Variants in MYLK observed in about 807,000 individuals in gnomAD.
The protein encoded by MYLK is myosin light chain kinase.
In MYLK, 106 loss-of-function variants were observed where a neutral mutation model predicts 203.4. The ratio of observed to expected loss-of-function variants is 0.52; its 90% CI spans 0.45 to 0.61. The LOEUF (loss-of-function observed/expected upper bound fraction) is 0.61. MYLK is among the 20% of genes least tolerant of loss of function. The pLI is 0.00. For synonymous variants in MYLK, 867 were observed against 959.5 expected (o/e 0.90, Z 1.78); for missense variants, 2,072 against 2,442.3 (o/e 0.85, Z 3.20).
rs369105428 is a variant in MYLK, at chr3:123,733,031, T to C, written c.1381A>G (p.Ile461Val). 3.1e-6 allele frequency: 5 copies of C among 1,614,164 alleles called. No individual in the cohort carries two copies. The highest frequency in any genetic ancestry group is 4.5e-5 in the East Asian group (2 of 44,876). ...GAGCCAGCATCTTCATAAACCTCAATGCTGCCTTCCTGTCTCCTCACGGGG... is the reference window on the plus strand; with the variant it reads ...GAGCCAGCATCTTCATAAACCTCAACGCTGCCTTCCTGTCTCCTCACGGGG... ...GTPVRRQEGSIEVYEDAGSHY... is the reference protein window; with the variant it reads ...GTPVRRQEGSVEVYEDAGSHY... The change falls in exon 11 of 34, where the codon ATT becomes GTT. Residue 461 changes from isoleucine to valine, a missense_variant. This residue lies in a region of MYLK where 683 missense variants were observed against 643.8 expected (regional missense o/e 1.06). Transcript: ENST00000360304.
In MYLK at chr3:123,852,978, C is replaced by A. The variant is rs560653941; in HGVS notation, c.-126-21308G>T. Among the ~76,000 whole-genome samples the A allele has an allele frequency of 6.6e-5, 10 of 152,130 alleles. No individual in the cohort carries two copies. The East Asian group carries it at 1.9e-3, about 29-fold the overall frequency. On this transcript the variant is annotated intron_variant, in intron 2 of 33. Coordinates refer to ENST00000360304, the MANE Select transcript of MYLK (RefSeq NM_053025.4). ...AGAGTAAAAGGAGGCCTTAAAAGAG[C>A]AAATTAAGAGTTGGGTTGTATGACC...
chr3:123,691,860 T>A (rs1403615436), intron 19 of MYLK: 1 of 152,244 alleles, frequency 6.6e-6, no homozygotes, highest in African/African-American at 2.4e-5. Flanking sequence ...AAAGAAATGA[T>A]CCTGGGTTGT....
At chr3:123,625,472 A>G (rs970506590) in intron 31 of MYLK, among the ~76,000 whole-genome samples, 2 of 134,298 alleles carry the variant, frequency 1.5e-5, no homozygotes, top group Admixed American at 7.7e-5. Flanking sequence ...TGTCTCGAGG[A>G]AAAAAAAAAA....
chr3:123,712,691 T>C (rs2061743061), intron 13 of MYLK, among the ~76,000 whole-genome samples: 1 of 152,256 alleles, frequency 6.6e-6, no homozygotes, highest in Non-Finnish European at 1.5e-5. Flanking sequence ...TGGTTCCACC[T>C]GCAGCTGTGG....
intron 2 of MYLK, among the ~76,000 whole-genome samples, chr3:123,874,665 G>A (rs1577164846): frequency 6.6e-6 from 1 of 152,118 alleles, no homozygotes; most frequent in Non-Finnish European, 1.5e-5. Context: ...CTTCTGTCAT[G>A]CAGTAACAGG....
At chr3:123,638,824 C>T (rs2108096184) in intron 28 of MYLK, 1 of 985,474 alleles carries the variant, frequency 1.0e-6, no homozygotes, top group Non-Finnish European at 1.2e-6. Context: ...GCTTCAACCC[C>T]AGGGTGGTAC....
intron 31 of MYLK, among the ~76,000 whole-genome samples, chr3:123,625,906 T>A (rs1360388703): frequency 6.6e-6 from 1 of 152,118 alleles, no homozygotes. Flanking sequence ...TGGTTTTGGA[T>A]AATAATTTTA....
At position 123,865,105 on chromosome 3, in the gene MYLK, G is replaced by A. The variant is rs143035144; in HGVS notation, c.-127+11454C>T. Among the ~76,000 whole-genome samples the A allele has an allele frequency of 5.9e-5, 9 of 152,192 alleles. No homozygotes were observed. In the East Asian group the frequency reaches 1.7e-3, roughly 29 times the overall value. On this transcript the variant is annotated intron_variant, in intron 2 of 33. Transcript: ENST00000360304. ...ACTCCAATCTGGTTTGAATGTCACT[G>A]GCAAGTCAATCTTCCTAGTTCACAG...
At chr3:123,859,843 T>C (rs1177073034) in intron 2 of MYLK, among the ~76,000 whole-genome samples, 3 of 152,210 alleles carry the variant, frequency 2.0e-5, no homozygotes, top group African/African-American at 7.2e-5. Flanking sequence ...TATCTGTTTC[T>C]GGTAACGTGT....
At chr3:123,851,095 T>G (rs752840052) in intron 2 of MYLK, among the ~76,000 whole-genome samples, 1 of 152,222 alleles carries the variant, frequency 6.6e-6, no homozygotes, top group African/African-American at 2.4e-5. Flanking sequence ...TTTTGTTCCA[T>G]TGGTCTATAT....
intron 3 of MYLK, among the ~76,000 whole-genome samples, chr3:123,803,721 C>A (rs549642959): frequency 1.2e-4 from 19 of 152,314 alleles, no homozygotes; most frequent in African/African-American, 4.6e-4. Flanking sequence ...GGCTCCCTGC[C>A]CAGGGCTGCC....
At chr3:123,656,993 AC>A in intron 24 of MYLK, 132 bp downstream of exon 24, 2 of 1,002,656 alleles carry the variant, frequency 2.0e-6, no homozygotes, top group Non-Finnish European at 3.1e-6. Context: ...GGAAACCAAG[AC>A]CCCAAAAGAC....
intron 3 of MYLK, among the ~76,000 whole-genome samples, chr3:123,825,724 G>A (rs964470574): frequency 7.9e-5 from 12 of 152,204 alleles, no homozygotes; most frequent in African/African-American, 2.4e-4. Flanking sequence ...CTTACACCAA[G>A]CTTATGTGGG....
At chr3:123,779,655 C>T (rs1164462873) in intron 4 of MYLK, among the ~76,000 whole-genome samples, 6 of 152,216 alleles carry the variant, frequency 3.9e-5, no homozygotes, top group Non-Finnish European at 5.9e-5. Flanking sequence ...AGGGACTCAG[C>T]GTGCCACCAC....
chr3:123,793,897 T>TC, intron 3 of MYLK, 53 bp from the exon 4 acceptor site: 1 of 1,606,322 alleles, frequency 6.2e-7, no homozygotes, highest in Admixed American at 1.7e-5. Flanking sequence ...CACAGCCCTG[T>TC]CTTCCCTTCA....
Position 123,640,254 on chromosome 3 carries a change from C to G in MYLK, c.4837+33G>C. 6.3e-7 allele frequency: 1 copy of G among 1,598,774 alleles called. No homozygotes were observed. The highest frequency in any genetic ancestry group is 8.6e-7 in the Non-Finnish European group (1 of 1,166,250). ...GAGGAAACGGCCAGTGCAATACACA[C>G]TGGTGTCCATGGGAGAGGCAGATGA... On this transcript the variant is annotated intron_variant, in intron 28 of 33. Transcript: ENST00000360304. The surrounding 1 kb of genome is among the most constrained non-coding windows in gnomAD (Gnocchi z 4.3).
At chr3:123,838,054 C>T (rs1307698562) in intron 2 of MYLK, among the ~76,000 whole-genome samples, 12 of 151,838 alleles carry the variant, frequency 7.9e-5, no homozygotes, top group Non-Finnish European at 1.6e-4. Context: ...GACATCAAAC[C>T]ACAAATCCAA....
At chr3:123,852,784 CA>C (rs1168671858) in intron 2 of MYLK, among the ~76,000 whole-genome samples, 1 of 152,072 alleles carries the variant, frequency 6.6e-6, no homozygotes, top group Non-Finnish European at 1.5e-5. Flanking sequence ...CTCTTAACTG[CA>C]TATGCTAAAG....
Position 123,726,045 on chromosome 3 carries a change from GAGA to G in MYLK, c.1547_1549del (p.Phe516del), listed in dbSNP as rs747408871. Reference sequence around the variant, plus strand: ...AACAGCGCAGTCCTTCAGGACACTGGAGAAGGAGGGGGCCACCTCCATCACGGC... The same window carrying G: ...AACAGCGCAGTCCTTCAGGACACTGGAGGAGGGGGCCACCTCCATCACGGC... On this transcript the variant is annotated inframe_deletion, in exon 12 of 34. Coordinates refer to ENST00000360304, the MANE Select transcript of MYLK (RefSeq NM_053025.4). The G allele has an allele frequency of 6.2e-7, 1 of 1,614,188 alleles. No individual in the cohort carries two copies. The highest frequency in any genetic ancestry group is 8.5e-7 in the Non-Finnish European group (1 of 1,180,028).
Sources: gnomAD v4.1 joint callset for allele counts (sites outside exome capture counted in the v4.1 genomes callset) on GRCh38, gnomAD v4.1.1 for gene constraint, gnomAD v4.1.1 regional missense constraint, Gnocchi (gnomAD v3.1) non-coding constraint, MANE v1.5 for transcripts, NCBI Gene and HGNC (gene_info 2026-07-23, HGNC 2026-07-21) for gene names.